Variants in TAOK2 observed in about 807,000 individuals in gnomAD.
The protein encoded by TAOK2 is serine/threonine-protein kinase TAO2.
Under a neutral mutation model 122.5 loss-of-function variants are expected in TAOK2, and 42 were observed. That is an observed-to-expected ratio of 0.34 (90% CI 0.27 to 0.44). TAOK2 has a LOEUF of 0.44. Among genes scored for constraint, TAOK2 ranks in the 20% least tolerant of loss-of-function variants. TAOK2 has a pLI of 1.00. For missense variants in TAOK2, 1,264 were observed against 1,644.9 expected, an observed-to-expected ratio of 0.77 and a Z score of 4.01; for synonymous variants, 704 against 677.6, an observed-to-expected ratio of 1.04 and a Z score of -0.61.
At chr16:29,990,106 A>G, downstream of TAOK2, 1 of 340,426 alleles carries the variant, frequency 2.9e-6, no homozygotes, top group South Asian at 3.1e-5. Flanking sequence ...ATGGGTAAAC[A>G]GGGTGCAGAT....
At position 29,983,053 on chromosome 16, in the gene TAOK2, G is replaced by T; in HGVS notation, c.1000-19G>T. On this transcript the variant is annotated intron_variant, in intron 11 of 15. Transcript: ENST00000308893. Reference sequence around the variant, plus strand: ...AGGGCTTCCCCTTCCCTGTCCAGCAGCCTACGCCCTGTTCGCAGGAGGCCG... The same window carrying T: ...AGGGCTTCCCCTTCCCTGTCCAGCATCCTACGCCCTGTTCGCAGGAGGCCG... 1 of 1,613,580 alleles carries T rather than the reference G, an allele frequency of 6.2e-7. No individual in the cohort carries two copies.
At chr16:29,978,044 C>T (rs771820814) in intron 2 of TAOK2, 45 bp from the exon 3 acceptor site, 5 of 1,612,636 alleles carry the variant, frequency 3.1e-6, no homozygotes, top group Non-Finnish European at 4.2e-6. Context: ...TTCCCATGCC[C>T]GGCTCTCAAT....
Position 29,985,116 on chromosome 16 carries a change from G to T in TAOK2, c.1423-97G>T. On this transcript the variant is annotated intron_variant, in intron 13 of 15. Coordinates refer to ENST00000308893, the MANE Select transcript of TAOK2 (RefSeq NM_016151.4). This position sits in a 1 kb window ranked among gnomAD's most constrained non-coding sequence, Gnocchi z 6.9. ...GGTGTTAAATGAGAATGAAACCCAT[G>T]AGTTGAAAACCCATGCTCTTCCCCA... The T allele has an allele frequency of 7.2e-7, 1 of 1,385,496 alleles. No homozygotes were observed. 85.8% of individuals were successfully genotyped at this position (1,385,496 alleles called of 1,614,324 possible).
Position 29,983,241 on chromosome 16 carries a change from A to T in TAOK2, c.1169A>T (p.Glu390Val), listed in dbSNP as rs1419361953. ...EEEEEEEEEE[E>V]EEGPEAREMA... ...GAGGAGGAGGAGGAAGAGGAGGAGGAGGAAGAAGGCCCTGAAGCCCGGGAG... is the reference window on the plus strand; with the variant it reads ...GAGGAGGAGGAGGAAGAGGAGGAGGTGGAAGAAGGCCCTGAAGCCCGGGAG... The change falls in exon 12 of 16, where the codon GAG becomes GTG. Residue 390 changes from glutamate to valine, a missense_variant. Coordinates refer to ENST00000308893, the MANE Select transcript of TAOK2 (RefSeq NM_016151.4). The T allele has an allele frequency of 6.2e-7, 1 of 1,611,894 alleles. No homozygotes were observed. The highest frequency in any genetic ancestry group is 8.5e-7 in the Non-Finnish European group (1 of 1,179,954).
rs761188654 is a variant in TAOK2 at position 29,981,476 on chromosome 16, G to A, written c.656-185G>A. 5.7e-5 allele frequency: 38 copies of A among 670,802 alleles called. No individual in the cohort carries two copies. In the African/African-American group the frequency reaches 6.2e-4, roughly 11 times the overall value. 41.6% of individuals were successfully genotyped at this position (670,802 alleles called of 1,614,324 possible). A position where few individuals can be genotyped will look rare whatever the true frequency, so the allele number is the denominator to read the frequency against. ...TATTCCACCCGTGTGCAGTGGAGAG[G>A]ATGGGTGTTGTATTTTACAGAGGAA... On this transcript the variant is annotated intron_variant, in intron 8 of 15. Transcript: ENST00000308893.
chr16:29,983,791 C>T (rs1037520722), intron 13 of TAOK2, 127 bp downstream of exon 13: 89 of 1,391,438 alleles, frequency 6.4e-5, no homozygotes, highest in Non-Finnish European at 8.5e-5. Context: ...CTGTTGCTGG[C>T]TCCTGCCTGC....
rs1230526351 is a variant in TAOK2, at chr16:29,985,471, G to C, written c.1681G>C (p.Glu561Gln). 1 of 1,612,968 alleles carries C rather than the reference G, an allele frequency of 6.2e-7. No individual in the cohort carries two copies. Among genetic ancestry groups the C allele is most frequent in the Non-Finnish European group, 8.5e-7 (1 of 1,179,646 alleles). Residue 561 changes from glutamate to glutamine, a missense_variant, in exon 14 of 16, where the codon GAG (glutamate) becomes CAG (glutamine). Glu to Gln is a conservative substitution (Grantham distance 29). Around this residue, in one of 4 missense-constraint regions of TAOK2, gnomAD observed 824 missense variants for 908.7 expected, o/e 0.91. Transcript: ENST00000308893. This position sits in a 1 kb window ranked among gnomAD's most constrained non-coding sequence, Gnocchi z 6.9. ...GGAGGCACGAGCTGCCCAGGCCGAG[G>C]AGCGGAAGTTCCAGCAGCACATCCT... ...EKEARAAQAE[E>Q]RKFQQHILGQ...
At chr16:29,991,294 C>T (rs1481808075), downstream of TAOK2, 7 of 1,611,748 alleles carry the variant, frequency 4.3e-6, no homozygotes. This position sits in a 1 kb window ranked among gnomAD's most constrained non-coding sequence, Gnocchi z 5.6. Context: ...GGCCCTCCTC[C>T]ACCAGGCATG....
downstream of TAOK2, chr16:29,989,414 C>T (rs900367954): frequency 1.9e-5 from 19 of 985,062 alleles, no homozygotes; most frequent in Non-Finnish European, 2.3e-5. Context: ...CAGCTCCCCC[C>T]ACCCCCTCTG....
At chr16:29,982,711 A>C in intron 10 of TAOK2, 23 bp from the exon 11 acceptor site, 2 of 1,602,400 alleles carry the variant, frequency 1.2e-6, no homozygotes, top group Non-Finnish European at 8.5e-7. Context: ...TTGGCAGCAG[A>C]CCTCAGTGCC....
At chr16:29,990,565 CACA>C (rs2069942186), downstream of TAOK2, 1 of 399,822 alleles carries the variant, frequency 2.5e-6, no homozygotes, top group Non-Finnish European at 4.4e-6. Flanking sequence ...ATTTTGCTAT[CACA>C]ACGCTTCCGT....
chr16:29,983,510 A>T lies in TAOK2; in HGVS notation c.1268A>T (p.Asp423Val), dbSNP rs769323834. The change falls in exon 13 of 16, where the codon GAC (aspartate) becomes GTC (valine). Residue 423 changes from aspartate (D) to valine (V), a missense_variant. Asp to Val is a radical substitution (Grantham distance 152). Transcript: ENST00000308893. ...SSIIHRLPGS[D>V]NLYDDPYQPE... ...CCTTCTATCTCCCTCTAGGGCTCTG[A>T]CAACCTATATGATGACCCCTACCAG... The T allele has an allele frequency of 1.9e-6, 3 of 1,608,062 alleles. No homozygotes were observed. In the Admixed American group the frequency reaches 5.0e-5, roughly 27 times the overall value.
At chr16:29,981,619 C>T (rs773245824) in intron 8 of TAOK2, 42 bp from the exon 9 acceptor site, 2 of 1,590,260 alleles carry the variant, frequency 1.3e-6, no homozygotes, top group Admixed American at 1.7e-5. Flanking sequence ...TCCTCTACCC[C>T]CTGCCACCTC....
chr16:29,983,791 C>G, intron 13 of TAOK2, 127 bp downstream of exon 13: 3 of 1,391,556 alleles, frequency 2.2e-6, no homozygotes, highest in South Asian at 1.3e-5. Flanking sequence ...CTGTTGCTGG[C>G]TCCTGCCTGC....
Position 29,985,935 on chromosome 16 carries a change from A to T in TAOK2, c.1992+74A>T, listed in dbSNP as rs1596613492. On this transcript the variant is annotated intron_variant, in intron 15 of 15. Transcript: ENST00000308893. This position sits in a 1 kb window ranked among gnomAD's most constrained non-coding sequence, Gnocchi z 6.9. Reference sequence around the variant, plus strand: ...GGACCCACCCTTTTCCATTTTCCTCATTCTTGTCTTCTTTCTCCTTGGCCC... The same window carrying T: ...GGACCCACCCTTTTCCATTTTCCTCTTTCTTGTCTTCTTTCTCCTTGGCCC... The T allele has an allele frequency of 6.6e-7, 1 of 1,515,946 alleles. No individual in the cohort carries two copies. The highest frequency in any genetic ancestry group is 2.4e-5 in the East Asian group (1 of 41,900). 93.9% of individuals were successfully genotyped at this position (1,515,946 alleles called of 1,614,324 possible).
downstream of TAOK2, chr16:29,989,891 C>G: frequency 7.1e-7 from 1 of 1,402,256 alleles, no homozygotes; most frequent in Non-Finnish European, 9.8e-7. Context: ...AGGGCATGCA[C>G]AGAGCTGGGG....
At chr16:29,982,593 A>T in intron 10 of TAOK2, 141 bp from the exon 11 acceptor site, 1 of 1,122,488 alleles carries the variant, frequency 8.9e-7, no homozygotes, top group Non-Finnish European at 1.3e-6. Context: ...ATTGTGAGAG[A>T]AGGGCTTGGG....
In TAOK2 at chr16:29,983,338, C is replaced by G; in HGVS notation, c.1260+6C>G. The G allele has an allele frequency of 6.3e-7, 1 of 1,591,322 alleles. No individual in the cohort carries two copies. The highest frequency in any genetic ancestry group is 8.5e-7 in the Non-Finnish European group (1 of 1,173,706). ...CCATTATCCACCGGCTGCCGGTACA[C>G]AGCTCACCCTTGGGGGACCCGAGCC... On this transcript the variant is annotated splice_donor_region_variant and intron_variant, in intron 12 of 15. Transcript: ENST00000308893.
At position 29,979,722 on chromosome 16, in the gene TAOK2, A is replaced by G. The variant is rs1368637370; in HGVS notation, c.655+214A>G. ...TAGCATTCATCTCTTCCTGTCCACT[A>G]CCCTGGTTCTGAATCTTTTCTTAGT... On this transcript the variant is annotated intron_variant, in intron 8 of 15. Coordinates refer to ENST00000308893, the MANE Select transcript of TAOK2 (RefSeq NM_016151.4). This position sits in a 1 kb window ranked among gnomAD's most constrained non-coding sequence, Gnocchi z 4.1. Among the ~76,000 whole-genome samples the G allele has an allele frequency of 6.6e-6, 1 of 151,928 alleles. No individual in the cohort carries two copies. Among genetic ancestry groups the G allele is most frequent in the African/African-American group, 2.4e-5 (1 of 41,348 alleles).
Sources: gnomAD v4.1 joint callset for allele counts (sites outside exome capture counted in the v4.1 genomes callset) on GRCh38, gnomAD v4.1.1 for gene constraint, gnomAD v4.1.1 regional missense constraint, Gnocchi (gnomAD v3.1) non-coding constraint, MANE v1.5 for transcripts, NCBI Gene and HGNC (gene_info 2026-07-23, HGNC 2026-07-21) for gene names.